SIMC1: variants seen among roughly 807,000 people sequenced by gnomAD.
The protein encoded by SIMC1 is SUMO-interacting motif-containing protein 1.
A neutral mutation model predicts 82.3 loss-of-function variants in SIMC1; 55 were observed. The observed-to-expected ratio is 0.67, with a 90% CI of 0.54 to 0.84. The LOEUF is 0.84. SIMC1 is among the 40% of genes least tolerant of loss of function. The pLI, the probability that SIMC1 is intolerant of heterozygous loss-of-function variation, is 0.00. For missense variants in SIMC1, 915 were observed against 1,107.2 expected (o/e 0.83, Z 2.46); for synonymous variants, 353 against 426.3 (o/e 0.83, Z 2.12).
chr5:176,340,551 C>T (rs1428899284), intron 9 of SIMC1, among the ~76,000 whole-genome samples: 10 of 152,284 alleles, frequency 6.6e-5, no homozygotes, highest in East Asian at 1.9e-4. Flanking sequence ...GCCCTGTCCA[C>T]GGACGGGGAA....
At chr5:176,294,688 C>G (rs974052794) in intron 2 of SIMC1, among the ~76,000 whole-genome samples, 1 of 151,532 alleles carries the variant, frequency 6.6e-6, no homozygotes, top group South Asian at 2.1e-4. Flanking sequence ...CCCGGCTCGG[C>G]GCCGTGGCTC....
At chr5:176,328,835 A>G (rs545924090) in intron 7 of SIMC1, among the ~76,000 whole-genome samples, 2 of 152,324 alleles carry the variant, frequency 1.3e-5, no homozygotes, top group East Asian at 1.9e-4. Flanking sequence ...GGCCTGGGCA[A>G]CACAGCAAAA....
chr5:176,253,008 G>A (rs72825312), intron 1 of SIMC1, among the ~76,000 whole-genome samples: 21,060 of 152,176 alleles, frequency 0.14, 1,500 homozygotes, highest in Middle Eastern at 0.21. Flanking sequence ...GGCGTGGCGC[G>A]CGCGCCTGCA....
At chr5:176,298,172 G>C (rs998000022) in intron 4 of SIMC1, among the ~76,000 whole-genome samples, 4 of 152,220 alleles carry the variant, frequency 2.6e-5, no homozygotes, top group African/African-American at 9.6e-5. Flanking sequence ...TGCTAGGAAA[G>C]TTTGTGGCAT....
intron 1 of SIMC1, among the ~76,000 whole-genome samples, chr5:176,254,855 T>C (rs1437737767): frequency 3.3e-5 from 5 of 152,254 alleles, no homozygotes; most frequent in African/African-American, 4.8e-5. Context: ...TTCTGAATTT[T>C]AGAGGAATCA....
At position 176,290,214 on chromosome 5, in the gene SIMC1, G is replaced by A. The variant is rs773973747; in HGVS notation, c.690G>A (p.Pro230=). ...PCPLRPLPCP[P]RASPCPPRAS... is the part of the protein sequence containing the mutation. ...CCCTGCGACCTTTGCCATGCCCACC[G>A]AGAGCCTCACCATGTCCACCACGAG... is the stretch of plus-strand genomic sequence containing the variant. Residue 230 remains proline, a synonymous_variant, in exon 2 of 10, where the codon CCG becomes CCA. Coordinates refer to ENST00000429602, the MANE Select transcript of SIMC1 (RefSeq NM_001308195.2). 1.1e-5 allele frequency: 17 copies of A among 1,612,416 alleles called. No homozygotes were observed. The Admixed American group carries it at 1.2e-4, about 11-fold the overall frequency.
intron 2 of SIMC1, among the ~76,000 whole-genome samples, chr5:176,291,613 G>A (rs968676794): frequency 6.6e-6 from 1 of 152,048 alleles, no homozygotes; most frequent in South Asian, 2.1e-4. Context: ...TAGGATTACA[G>A]GCGTGAGCCA....
chr5:176,261,350 A>C (rs1472093032), intron 1 of SIMC1, among the ~76,000 whole-genome samples: 1 of 152,116 alleles, frequency 6.6e-6, no homozygotes, highest in Non-Finnish European at 1.5e-5. Context: ...CTTATCTGTT[A>C]CTTTTTAAAA....
At chr5:176,273,160 G>A (rs1762520913) in intron 1 of SIMC1, among the ~76,000 whole-genome samples, 1 of 152,216 alleles carries the variant, frequency 6.6e-6, no homozygotes, top group Admixed American at 6.5e-5. Flanking sequence ...CCCCTGAGTA[G>A]CCTAACTGGG....
chr5:176,294,958 C>A (rs1763738699), intron 2 of SIMC1, 72 bp from the exon 3 acceptor site: 3 of 1,444,030 alleles, frequency 2.1e-6, no homozygotes, highest in Non-Finnish European at 1.8e-6. Context: ...GAGCAAGACT[C>A]CGTCTCAAAA....
intron 1 of SIMC1, among the ~76,000 whole-genome samples, chr5:176,274,199 A>G (rs1762577182): frequency 7.1e-6 from 1 of 141,772 alleles, no homozygotes; most frequent in Non-Finnish European, 1.5e-5. Flanking sequence ...TTGCCATTCT[A>G]ACTGGTGTGA....
intron 1 of SIMC1, among the ~76,000 whole-genome samples, chr5:176,288,179 C>G (rs56341783): frequency 0.73 from 111,671 of 152,088 alleles, 41,163 homozygotes; most frequent in Middle Eastern, 0.84. Context: ...AGGCCAAAGC[C>G]GGGGAATCAC....
chr5:176,276,264 G>A (rs765764130), intron 1 of SIMC1, among the ~76,000 whole-genome samples: 4 of 151,470 alleles, frequency 2.6e-5, no homozygotes, highest in Non-Finnish European at 5.9e-5. Flanking sequence ...TTGCATAGAG[G>A]TGTTTGTAGT....
intron 9 of SIMC1, among the ~76,000 whole-genome samples, chr5:176,340,837 AG>A (rs1292946126): frequency 6.6e-6 from 1 of 152,232 alleles, no homozygotes; most frequent in African/African-American, 2.4e-5. Flanking sequence ...TCCCTGAAGA[AG>A]TGATACCTCA....
At chr5:176,243,655 C>A (rs1761342298) in intron 1 of SIMC1, among the ~76,000 whole-genome samples, 1 of 151,792 alleles carries the variant, frequency 6.6e-6, no homozygotes, top group South Asian at 2.1e-4. Flanking sequence ...CCCGAGTAGC[C>A]GGGACTACAA....
intron 7 of SIMC1, among the ~76,000 whole-genome samples, chr5:176,327,436 G>GT (rs1472409310): frequency 1.3e-5 from 2 of 152,190 alleles, no homozygotes; most frequent in Non-Finnish European, 2.9e-5. Flanking sequence ...CTCATTAGTA[G>GT]TGTATAGAAA....
chr5:176,294,629 C>CT (rs1269258316), intron 2 of SIMC1, among the ~76,000 whole-genome samples: 4 of 150,462 alleles, frequency 2.7e-5, no homozygotes, highest in Non-Finnish European at 4.4e-5. Context: ...GAAAACTTTG[C>CT]TATCTTCAAC....
intron 9 of SIMC1, among the ~76,000 whole-genome samples, chr5:176,343,776 TTTTG>T (rs1339680410): frequency 3.4e-4 from 51 of 150,588 alleles, no homozygotes; most frequent in African/African-American, 1.0e-3. Flanking sequence ...ACTTTTCTTT[TTTTG>T]TTTTTTTGTT....
intron 5 of SIMC1, among the ~76,000 whole-genome samples, chr5:176,315,711 C>T (rs918336835): frequency 5.9e-5 from 9 of 152,110 alleles, no homozygotes; most frequent in Admixed American, 4.6e-4. Flanking sequence ...GAGGACGTTT[C>T]GTTATGTTTT....
Sources: gnomAD v4.1 joint callset for allele counts (sites outside exome capture counted in the v4.1 genomes callset) on GRCh38, gnomAD v4.1.1 for gene constraint, MANE v1.5 for transcripts, NCBI Gene and HGNC (gene_info 2026-07-23, HGNC 2026-07-21) for gene names.